PCDHGA6: variants seen among roughly 807,000 people sequenced by gnomAD.
PCDHGA6 encodes protocadherin gamma-A6.
PCDHGA6 carries 41 observed loss-of-function variants against 60.6 expected under a neutral mutation model. The observed-to-expected ratio is 0.68, with a 90% CI of 0.53 to 0.88. The LOEUF is 0.88. Among genes scored for constraint, PCDHGA6 ranks in the 40% least tolerant of loss-of-function variants. The pLI, the probability that PCDHGA6 is intolerant of heterozygous loss-of-function variation, is 0.00. For synonymous variants in PCDHGA6, 594 were observed against 524.4 expected (o/e 1.13, Z -1.81); for missense variants, 1,312 against 1,203.0 (o/e 1.09, Z -1.34).
Position 141,420,946 on chromosome 5 carries a change from A to G in PCDHGA6, c.2424+44439A>G, listed in dbSNP as rs1561791007. 5 of 400,268 alleles carry G rather than the reference A, an allele frequency of 1.2e-5. No homozygotes were observed. In the East Asian group the frequency reaches 1.7e-4, roughly 14 times the overall value. The allele number at this position is 400,268 out of a possible 1,614,324, so 24.8% of individuals were successfully genotyped here. A position where few individuals can be genotyped will look rare whatever the true frequency, so the allele number is the denominator to read the frequency against. ...AGGTGAGCGTAATCATTTCTTCTGG[A>G]ATTTCTTAGTCGTTGCAATAATAAG... On this transcript the variant is annotated intron_variant, in intron 1 of 3. Coordinates refer to ENST00000517434, the MANE Select transcript of PCDHGA6 (RefSeq NM_018919.3).
At chr5:141,385,066 C>G in intron 1 of PCDHGA6, 1 of 1,614,194 alleles carries the variant, frequency 6.2e-7, no homozygotes, top group Non-Finnish European at 8.5e-7. Context: ...GCACAAGTCA[C>G]GCCTGCTGCA....
chr5:141,387,570 A>G, intron 1 of PCDHGA6: 1 of 455,170 alleles, frequency 2.2e-6, no homozygotes, highest in South Asian at 4.2e-5. Flanking sequence ...CACAATTATA[A>G]TTATTGCACT....
intron 1 of PCDHGA6, chr5:141,441,780 C>A: frequency 2.6e-6 from 1 of 391,236 alleles, no homozygotes. Flanking sequence ...GGTGGACGAC[C>A]TGAATGACAA....
At chr5:141,417,772 C>A (rs2240701) in intron 1 of PCDHGA6, 340,590 of 1,455,726 alleles carry the variant, frequency 0.23, 43,476 homozygotes, top group African/African-American at 0.5. Flanking sequence ...GGGACTCCTC[C>A]TGTCCTGGGC....
chr5:141,495,005 C>A, intron 2 of PCDHGA6, 140 bp downstream of exon 2: 1 of 1,522,810 alleles, frequency 6.6e-7, no homozygotes. Context: ...TCTTGGTGTG[C>A]GGGGGGCTGG....
intron 1 of PCDHGA6, chr5:141,400,753 T>C: frequency 1.7e-6 from 1 of 597,232 alleles, no homozygotes; most frequent in Non-Finnish European, 2.9e-6. Flanking sequence ...CTTAGCTTCC[T>C]CTCTAGCAAA....
intron 1 of PCDHGA6, chr5:141,392,963 G>C: frequency 6.2e-7 from 1 of 1,613,922 alleles, no homozygotes; most frequent in Non-Finnish European, 8.5e-7. Flanking sequence ...ATATCTCCAA[G>C]GACCTGGGGC....
intron 1 of PCDHGA6, chr5:141,421,424 G>A: frequency 6.2e-7 from 1 of 1,614,092 alleles, no homozygotes. Context: ...CGCGGAGTCC[G>A]CATCGTCTCC....
intron 1 of PCDHGA6, chr5:141,417,885 G>A (rs761442517): frequency 2.6e-6 from 4 of 1,562,806 alleles, no homozygotes; most frequent in Admixed American, 1.9e-5. Flanking sequence ...GCGCAGAGGC[G>A]CCGGGCCGGC....
At position 141,485,240 on chromosome 5, in the gene PCDHGA6, C is replaced by G; in HGVS notation, c.2425-9567C>G. On this transcript the variant is annotated intron_variant, in intron 1 of 3. Coordinates refer to ENST00000517434, the MANE Select transcript of PCDHGA6 (RefSeq NM_018919.3). This position sits in a 1 kb window ranked among gnomAD's most constrained non-coding sequence, Gnocchi z 5.7. The stretch of plus-strand genomic sequence containing the variant: ...GGCTACCCTTTTGTTCCTCTTTTAC[C>G]ACCTGGGTTACGTTTGTGGGCAGAT... The G allele has an allele frequency of 6.2e-7, 1 of 1,614,174 alleles. No individual in the cohort carries two copies. The highest frequency in any genetic ancestry group is 8.5e-7 in the Non-Finnish European group (1 of 1,180,024).
chr5:141,491,131 G>A lies in PCDHGA6; in HGVS notation c.2425-3676G>A. 1 of 1,614,182 alleles carries A rather than the reference G, an allele frequency of 6.2e-7. No individual in the cohort carries two copies. Among genetic ancestry groups the A allele is most frequent in the Non-Finnish European group, 8.5e-7 (1 of 1,180,008 alleles). ...TACACACACTGGTGAGGTGCGCACA[G>A]CCCGGGCCTTACTGGAGGATGACTC... On this transcript the variant is annotated intron_variant, in intron 1 of 3. Coordinates refer to ENST00000517434, the MANE Select transcript of PCDHGA6 (RefSeq NM_018919.3). This position sits in a 1 kb window ranked among gnomAD's most constrained non-coding sequence, Gnocchi z 6.9.
At chr5:141,394,717 G>A (rs1403492553) in intron 1 of PCDHGA6, 1 of 1,613,320 alleles carries the variant, frequency 6.2e-7, no homozygotes, top group East Asian at 2.2e-5. Flanking sequence ...CTGCTGGACA[G>A]AGATGCGCTC....
chr5:141,432,281 A>C lies in PCDHGA6; in HGVS notation c.2424+55774A>C, dbSNP rs1313887209. 1 of 1,614,188 alleles carries C rather than the reference A, an allele frequency of 6.2e-7. No individual in the cohort carries two copies. The highest frequency in any genetic ancestry group is 1.1e-5 in the South Asian group (1 of 91,084). On this transcript the variant is annotated intron_variant, in intron 1 of 3. Coordinates refer to ENST00000517434, the MANE Select transcript of PCDHGA6 (RefSeq NM_018919.3). The surrounding 1 kb of genome is among the most constrained non-coding windows in gnomAD (Gnocchi z 6.0). The stretch of plus-strand genomic sequence containing the variant: ...AAGCCTATCGTCCTACGTGTCCATC[A>C]ACTCCGACACTGGGGTACTGTATGC...
rs1317111249 is a variant in PCDHGA6, at chr5:141,413,333, C to A, written c.2424+36826C>A. 3.1e-6 allele frequency: 5 copies of A among 1,613,966 alleles called. No individual in the cohort carries two copies. The Admixed American group carries it at 6.7e-5, about 22-fold the overall frequency. On this transcript the variant is annotated intron_variant, in intron 1 of 3. Coordinates refer to ENST00000517434, the MANE Select transcript of PCDHGA6 (RefSeq NM_018919.3). ...AAAGGCTCTTTCGTGGGCAACATCTCCAAGGACTTGGGTCTGGCGCCCCGG... is the reference window on the plus strand; with the variant it reads ...AAAGGCTCTTTCGTGGGCAACATCTACAAGGACTTGGGTCTGGCGCCCCGG...
At chr5:141,391,973 G>A (rs1461017619) in intron 1 of PCDHGA6, 2 of 152,056 alleles carry the variant, frequency 1.3e-5, no homozygotes, top group Non-Finnish European at 2.9e-5. Context: ...AAATAAAATA[G>A]CAAAACAATG....
chr5:141,408,021 A>C (rs2095027284), intron 1 of PCDHGA6: 1 of 1,036,444 alleles, frequency 9.6e-7, no homozygotes, highest in Non-Finnish European at 1.3e-6. Context: ...AGCCAACAAC[A>C]GAAAGAAGAA....
At chr5:141,434,691 A>G (rs1263712056) in intron 1 of PCDHGA6, among the ~76,000 whole-genome samples, 2 of 152,150 alleles carry the variant, frequency 1.3e-5, no homozygotes. Flanking sequence ...GCTTGCTGTT[A>G]ATAAATATGT....
chr5:141,451,740 G>A (rs370710201), intron 1 of PCDHGA6, among the ~76,000 whole-genome samples: 1 of 152,108 alleles, frequency 6.6e-6, no homozygotes, highest in Non-Finnish European at 1.5e-5. Context: ...AAATTAGCTG[G>A]TCTGGTGGTG....
chr5:141,375,065 C>A lies in PCDHGA6; in HGVS notation c.982C>A (p.Arg328=). 6.2e-7 allele frequency: 1 copy of A among 1,613,932 alleles called. No individual in the cohort carries two copies. The highest frequency in any genetic ancestry group is 8.5e-7 in the Non-Finnish European group (1 of 1,179,886). ...GVEARDGPGL[R]DRAKVLITIL... is the part of the protein sequence containing the mutation. ...TGAAGCCCGGGATGGGCCAGGTCTT[C>A]GAGACAGAGCGAAAGTCTTAATAAC... is the stretch of plus-strand genomic sequence containing the variant. Residue 328 remains arginine, a synonymous_variant, in exon 1 of 4, where the codon CGA becomes AGA. Transcript: ENST00000517434.
Sources: gnomAD v4.1 joint callset for allele counts (sites outside exome capture counted in the v4.1 genomes callset) on GRCh38, gnomAD v4.1.1 for gene constraint, Gnocchi (gnomAD v3.1) non-coding constraint, MANE v1.5 for transcripts, NCBI Gene and HGNC (gene_info 2026-07-23, HGNC 2026-07-21) for gene names.